FXYD5: variants seen among roughly 807,000 people sequenced by gnomAD.
The protein encoded by FXYD5 is FXYD domain-containing ion transport regulator 5.
In FXYD5, 21 loss-of-function variants were observed where a neutral mutation model predicts 25.7. That is an observed-to-expected ratio of 0.82 (90% CI 0.58 to 1.18). FXYD5 has a LOEUF of 1.18. Among genes scored for constraint, FXYD5 ranks in the 50% most tolerant of loss-of-function variants. The pLI, the probability that FXYD5 is intolerant of heterozygous loss-of-function variation, is 0.00. For missense variants in FXYD5, 229 were observed against 227.7 expected, an observed-to-expected ratio of 1.01 and a Z score of -0.04; for synonymous variants, 101 against 90.7, an observed-to-expected ratio of 1.11 and a Z score of -0.64.
intron 5 of FXYD5, among the ~76,000 whole-genome samples, chr19:35,163,728 C>T (rs1012910880): frequency 6.6e-6 from 1 of 152,070 alleles, no homozygotes; most frequent in Non-Finnish European, 1.5e-5. Context: ...GTGATCTGCC[C>T]GCCTCAGTCT....
At chr19:35,158,187 C>T (rs1466663819) in intron 3 of FXYD5, among the ~76,000 whole-genome samples, 157 bp from the exon 4 acceptor site, 1 of 152,220 alleles carries the variant, frequency 6.6e-6, no homozygotes, top group Admixed American at 6.5e-5. Flanking sequence ...ATTGGTTACA[C>T]ATTTCGGCAG....
At chr19:35,162,631 G>C (rs920771903) in intron 5 of FXYD5, among the ~76,000 whole-genome samples, 26 of 152,090 alleles carry the variant, frequency 1.7e-4, no homozygotes, top group African/African-American at 6.3e-4. Context: ...CCACCCTCAT[G>C]ATCCTATCTA....
chr19:35,157,442 C>A lies in FXYD5; in HGVS notation c.83C>A (p.Thr28Lys). The A allele has an allele frequency of 6.3e-7, 1 of 1,595,276 alleles. No homozygotes were observed. Among genetic ancestry groups the A allele is most frequent in the Non-Finnish European group, 8.6e-7 (1 of 1,163,084 alleles). Residue 28 changes from threonine (T) to lysine (K), a missense_variant, in exon 3 of 9, where the codon ACG (threonine) becomes AAG (lysine). Coordinates refer to ENST00000392219, the MANE Select transcript of FXYD5 (RefSeq NM_014164.6). ...CCAGGACAGACGTTGAAAGATACCA[C>A]GTCCAGTTCTTCAGCAGACTCAACT... is the stretch of plus-strand genomic sequence containing the variant. Reference protein sequence around the residue: ...PTRGQTLKDTTSSSSADSTIM... With the variant: ...PTRGQTLKDTKSSSSADSTIM...
intron 8 of FXYD5, 162 bp downstream of exon 8, chr19:35,166,487 G>T: frequency 1.8e-6 from 1 of 558,548 alleles, no homozygotes; most frequent in South Asian, 2.5e-5. Flanking sequence ...TTAAAATAAT[G>T]ACCATTTATT....
intron 4 of FXYD5, chr19:35,159,765 A>T (rs188054148): frequency 1.6e-6 from 2 of 1,219,140 alleles, no homozygotes; most frequent in East Asian, 5.3e-5. Context: ...ACAGACAAGG[A>T]AACAGAGGCT....
At chr19:35,155,237 T>C in intron 1 of FXYD5, 1 of 448,440 alleles carries the variant, frequency 2.2e-6, no homozygotes, top group South Asian at 2.5e-5. Context: ...GATAAGCGCC[T>C]GGCGGAAGGC....
intron 8 of FXYD5, among the ~76,000 whole-genome samples, chr19:35,168,688 G>C (rs2065472034): frequency 6.6e-6 from 1 of 152,128 alleles, no homozygotes; most frequent in Non-Finnish European, 1.5e-5. Context: ...CGTACCTCAA[G>C]GCCTTTGCGC....
chr19:35,155,401 C>G, intron 1 of FXYD5, 150 bp from the exon 2 acceptor site: 1 of 676,884 alleles, frequency 1.5e-6, no homozygotes. Context: ...CTCCCCTTTC[C>G]CCTGAGGCCA....
intron 1 of FXYD5, chr19:35,155,247 C>T (rs2065342000): frequency 4.2e-6 from 2 of 478,892 alleles, no homozygotes; most frequent in South Asian, 2.4e-5. Context: ...TGGCGGAAGG[C>T]GCAGGGAGGT....
At chr19:35,162,121 T>C (rs2065411758) in intron 5 of FXYD5, among the ~76,000 whole-genome samples, 1 of 152,214 alleles carries the variant, frequency 6.6e-6, no homozygotes, top group Admixed American at 6.5e-5. Context: ...TTACTGAGTC[T>C]TTGCTGACCT....
At chr19:35,159,866 C>T in intron 4 of FXYD5, 1 of 531,000 alleles carries the variant, frequency 1.9e-6, no homozygotes, top group South Asian at 2.4e-5. Context: ...TGCTTTTATC[C>T]AAGACAATAC....
At chr19:35,158,120 G>A (rs1032479266) in intron 3 of FXYD5, among the ~76,000 whole-genome samples, 12 of 152,290 alleles carry the variant, frequency 7.9e-5, no homozygotes, top group African/African-American at 2.6e-4. Flanking sequence ...CCAGCATCTC[G>A]AAGAAGGAGC....
intron 6 of FXYD5, among the ~76,000 whole-genome samples, chr19:35,165,109 G>T (rs974773513): frequency 1.3e-5 from 2 of 152,164 alleles, no homozygotes; most frequent in Non-Finnish European, 2.9e-5. Context: ...GACTGTTACT[G>T]GAAAGGGGTT....
chr19:35,162,061 C>T (rs1235793232), intron 5 of FXYD5, among the ~76,000 whole-genome samples: 1 of 152,258 alleles, frequency 6.6e-6, no homozygotes, highest in Non-Finnish European at 1.5e-5. Context: ...GGGATAGCAG[C>T]TGTGTCCACA....
intron 6 of FXYD5, among the ~76,000 whole-genome samples, chr19:35,165,171 CAG>C (rs1485329845): frequency 6.6e-6 from 1 of 152,170 alleles, no homozygotes; most frequent in Non-Finnish European, 1.5e-5. Flanking sequence ...AAAAAGAATT[CAG>C]AGAGTCCATA....
chr19:35,166,195 G>T (rs1244113766), intron 7 of FXYD5, 24 bp downstream of exon 7: 5 of 1,612,968 alleles, frequency 3.1e-6, no homozygotes, highest in East Asian at 2.2e-5. Context: ...AGGAAGATGT[G>T]GGGGAAGGAA....
chr19:35,163,885 G>A, intron 5 of FXYD5: 1 of 957,794 alleles, frequency 1.0e-6, no homozygotes, highest in Non-Finnish European at 1.5e-6. Context: ...TTATAGTGTG[G>A]GCCAGAAGGT....
At chr19:35,158,501 T>C (rs2065377552) in intron 4 of FXYD5, 101 bp downstream of exon 4, 2 of 752,270 alleles carry the variant, frequency 2.7e-6, no homozygotes, top group South Asian at 1.5e-5. Context: ...TTTCAGTCCC[T>C]ACTCCCAGCT....
chr19:35,155,300 G>A, intron 1 of FXYD5: 1 of 569,922 alleles, frequency 1.8e-6, no homozygotes, highest in Non-Finnish European at 3.1e-6. Context: ...TGCAGCTGCT[G>A]GAAGACCCAT....
Sources: gnomAD v4.1 joint callset for allele counts (sites outside exome capture counted in the v4.1 genomes callset) on GRCh38, gnomAD v4.1.1 for gene constraint, MANE v1.5 for transcripts, NCBI Gene and HGNC (gene_info 2026-07-23, HGNC 2026-07-21) for gene names.